The following SLC44A1 variants were observed in gnomAD, a reference collection of about 807,000 sequenced individuals.
The protein encoded by SLC44A1 is choline transporter-like protein 1.
Under a neutral mutation model 79.3 loss-of-function variants are expected in SLC44A1, and 26 were observed. The ratio of observed to expected loss-of-function variants is 0.33; its 90% CI spans 0.24 to 0.46. The LOEUF is 0.46. SLC44A1 is among the 20% of genes least tolerant of loss of function. SLC44A1 has a pLI of 1.00. For synonymous variants in SLC44A1, 263 were observed against 286.2 expected, an observed-to-expected ratio of 0.92 and a Z score of 0.82; for missense variants, 688 against 798.1, an observed-to-expected ratio of 0.86 and a Z score of 1.66.
At chr9:105,277,691 A>G (rs1156810688) in intron 1 of SLC44A1, among the ~76,000 whole-genome samples, 1 of 152,238 alleles carries the variant, frequency 6.6e-6, no homozygotes, top group Non-Finnish European at 1.5e-5. Context: ...GTTGGGACGG[A>G]CCAACTAAAA....
At chr9:105,275,120 AG>A (rs762800076) in intron 1 of SLC44A1, among the ~76,000 whole-genome samples, 2 of 152,226 alleles carry the variant, frequency 1.3e-5, no homozygotes, top group Non-Finnish European at 2.9e-5. Context: ...TTTCTTCAGA[AG>A]TACAAAGTTA....
intron 15 of SLC44A1, among the ~76,000 whole-genome samples, chr9:105,437,287 A>ATATATC: frequency 1.3e-5 from 2 of 152,162 alleles, no homozygotes; most frequent in Middle Eastern, 6.8e-3. Flanking sequence ...CTATCTATAG[A>ATATATC]TATATCTATA....
At chr9:105,430,256 C>A (rs1829375571) in intron 15 of SLC44A1, among the ~76,000 whole-genome samples, 1 of 152,122 alleles carries the variant, frequency 6.6e-6, no homozygotes, top group Admixed American at 6.6e-5. Context: ...TAGTTATTTT[C>A]TTTCTCTTTT....
At position 105,396,449 on chromosome 9, in the gene SLC44A1, T is replaced by G. The variant is rs979130678; in HGVS notation, c.*7393T>G. 1.4e-5 allele frequency: 14 copies of G among 985,254 alleles called. No homozygotes were observed. The highest frequency in any genetic ancestry group is 1.6e-5 in the Non-Finnish European group (13 of 829,858). The allele number at this position is 985,254 out of a possible 1,614,324, so 61.0% of individuals were successfully genotyped here. A position where few individuals can be genotyped will look rare whatever the true frequency, so the allele number is the denominator to read the frequency against. ...AGACCAAAGGTCCAACTTTACTTAC[T>G]GGCTGGCACAGCCTTTCTGAACTCC... is the stretch of plus-strand genomic sequence containing the variant. On this transcript the variant is annotated 3_prime_UTR_variant, in exon 16 of 16. Transcript: ENST00000374720.
intron 1 of SLC44A1, among the ~76,000 whole-genome samples, chr9:105,266,577 A>C (rs548633602): frequency 6.6e-6 from 1 of 152,282 alleles, no homozygotes; most frequent in East Asian, 1.9e-4. Context: ...TATGTTTTCC[A>C]TTGAATTGCC....
rs35275407 is a variant in SLC44A1 at position 105,395,734 on chromosome 9, G to A, written c.*6678G>A. 1 of 984,980 alleles carries A rather than the reference G, an allele frequency of 1.0e-6. No homozygotes were observed. The highest frequency in any genetic ancestry group is 1.2e-6 in the Non-Finnish European group (1 of 829,692). The allele number at this position is 984,980 out of a possible 1,614,324, so 61.0% of individuals were successfully genotyped here. A position where few individuals can be genotyped will look rare whatever the true frequency, so the allele number is the denominator to read the frequency against. ...AGCTAGGATTATAATTTGAACTGTC[G>A]TTTCAGGAGCATGTGTTAAATCATA... On this transcript the variant is annotated 3_prime_UTR_variant, in exon 16 of 16. Transcript: ENST00000374720.
rs551928507 is a variant in SLC44A1, at chr9:105,257,183, G to A, written c.36+12279G>A. On this transcript the variant is annotated intron_variant, in intron 1 of 15. Transcript: ENST00000374720. Reference sequence around the variant, plus strand: ...ATGATCTCAGCTCACTGCAACCTCCGCATCCCGGGTTCAAGCGAGTCTCCT... The same window carrying A: ...ATGATCTCAGCTCACTGCAACCTCCACATCCCGGGTTCAAGCGAGTCTCCT... Among the ~76,000 whole-genome samples, 14 of 151,688 alleles carry A rather than the reference G, an allele frequency of 9.2e-5. No individual in the cohort carries two copies. The South Asian group carries it at 2.7e-3, about 29-fold the overall frequency.
intron 12 of SLC44A1, among the ~76,000 whole-genome samples, chr9:105,372,413 G>C (rs895558288): frequency 6.6e-6 from 1 of 151,736 alleles, no homozygotes; most frequent in African/African-American, 2.4e-5. Context: ...CTCAGCCTCC[G>C]AGTAGCCGGG....
At chr9:105,299,499 C>T (rs941661529) in intron 2 of SLC44A1, among the ~76,000 whole-genome samples, 190 bp downstream of exon 2, 21 of 152,186 alleles carry the variant, frequency 1.4e-4, no homozygotes, top group Non-Finnish European at 2.6e-4. Context: ...ACTCATATGC[C>T]ATTCAATAGA....
intron 15 of SLC44A1, among the ~76,000 whole-genome samples, chr9:105,427,320 T>G (rs1353809040): frequency 6.6e-6 from 1 of 152,246 alleles, no homozygotes; most frequent in Non-Finnish European, 1.5e-5. Flanking sequence ...ATTCTTTCAT[T>G]TGAATGTACT....
intron 15 of SLC44A1, chr9:105,386,218 G>C: frequency 2.0e-6 from 2 of 983,742 alleles, no homozygotes; most frequent in Non-Finnish European, 2.4e-6. Context: ...CTTAATGAGT[G>C]TAAGAGAACC....
At position 105,375,486 on chromosome 9, in the gene SLC44A1, A is replaced by C. The variant is rs529216341; in HGVS notation, c.1632+751A>C. On this transcript the variant is annotated intron_variant, in intron 13 of 15. Transcript: ENST00000374720. The stretch of plus-strand genomic sequence containing the variant: ...CCTGGGCAGGTTAGATAAGGGAATC[A>C]CTCTGTGCCTCAGTTTGCTCATCTG... Among the ~76,000 whole-genome samples the C allele has an allele frequency of 1.4e-4, 21 of 152,228 alleles. No individual in the cohort carries two copies. The South Asian group carries it at 3.9e-3, about 29-fold the overall frequency.
At chr9:105,277,053 G>C (rs1389256964) in intron 1 of SLC44A1, among the ~76,000 whole-genome samples, 1 of 152,224 alleles carries the variant, frequency 6.6e-6, no homozygotes, top group Non-Finnish European at 1.5e-5. Context: ...AGTGGTAGCA[G>C]TGGAGAACTG....
intron 3 of SLC44A1, among the ~76,000 whole-genome samples, chr9:105,320,242 G>A (rs1221852569): frequency 2.0e-5 from 3 of 146,516 alleles, no homozygotes; most frequent in Admixed American, 2.0e-4. Context: ...CTATAACACA[G>A]TTTATCTGTT....
intron 11 of SLC44A1, among the ~76,000 whole-genome samples, 192 bp from the exon 12 acceptor site, chr9:105,366,154 A>ATT (rs1827934236): frequency 6.6e-6 from 1 of 152,192 alleles, no homozygotes; most frequent in African/African-American, 2.4e-5. Flanking sequence ...GTAGAGACTA[A>ATT]ATAAATATTT....
At chr9:105,397,522 T>G (rs558113373), downstream of SLC44A1, among the ~76,000 whole-genome samples, 2 of 152,298 alleles carry the variant, frequency 1.3e-5, no homozygotes, top group Admixed American at 6.5e-5. Context: ...ATAGCAACTA[T>G]AAATGTACCT....
chr9:105,403,858 C>T (rs551556122), intron 15 of SLC44A1, among the ~76,000 whole-genome samples: 4 of 23,248 alleles, frequency 1.7e-4, no homozygotes, highest in South Asian at 0.012. Flanking sequence ...GAAATTGGAG[C>T]GGTCAGTAGG....
chr9:105,279,516 C>A (rs1182282253), intron 1 of SLC44A1, among the ~76,000 whole-genome samples: 1 of 151,934 alleles, frequency 6.6e-6, no homozygotes, highest in Non-Finnish European at 1.5e-5. Flanking sequence ...CGGGGTTTCA[C>A]CATGTTGGCC....
Position 105,365,543 on chromosome 9 carries a change from C to A in SLC44A1, c.1314C>A (p.Tyr438Ter). 1 of 1,613,224 alleles carries A rather than the reference C, an allele frequency of 6.2e-7. No individual in the cohort carries two copies. The highest frequency in any genetic ancestry group is 8.5e-7 in the Non-Finnish European group (1 of 1,179,254). Residue 438 changes from tyrosine (Y) to a stop codon, truncating the protein, a stop_gained, in exon 11 of 16, where the codon TAC (tyrosine) becomes TAA (stop). Transcript: ENST00000374720. LOFTEE classifies it high-confidence loss of function. ...ILASVNRLIR[Y>*]HLGTVAKGSF... ...CATCAGTAAATCGCCTTATTCGTTACCACCTAGGTACGGTGGCAAAAGGAT... is the reference window on the plus strand; with the variant it reads ...CATCAGTAAATCGCCTTATTCGTTAACACCTAGGTACGGTGGCAAAAGGAT...
Sources: allele counts gnomAD v4.1 joint callset (sites outside exome capture counted in the v4.1 genomes callset), GRCh38; gene constraint gnomAD v4.1.1; transcripts MANE v1.5; gene names NCBI Gene and HGNC (gene_info 2026-07-23, HGNC 2026-07-21).